ABCC5: variants seen among roughly 807,000 people sequenced by gnomAD.
ABCC5 encodes the protein ATP-binding cassette sub-family C member 5.
Under a neutral mutation model 160.9 loss-of-function variants are expected in ABCC5, and 61 were observed. The observed-to-expected ratio is 0.38, with a 90% CI of 0.31 to 0.47. The LOEUF (loss-of-function observed/expected upper bound fraction) is 0.47. Among genes scored for constraint, ABCC5 ranks in the 20% least tolerant of loss-of-function variants. The pLI is 0.99. For missense variants in ABCC5, 1,308 were observed against 1,813.3 expected, an observed-to-expected ratio of 0.72 and a Z score of 5.06; for synonymous variants, 666 against 700.6, an observed-to-expected ratio of 0.95 and a Z score of 0.78.
At chr3:183,967,463 C>G in intron 12 of ABCC5, 1 of 500,542 alleles carries the variant, frequency 2.0e-6, no homozygotes. Context: ...CCAAATGGTT[C>G]CAGCTGGGAC....
rs375609688 is a variant in ABCC5 at position 183,947,382 on chromosome 3, A to G, written c.3356T>C (p.Leu1119Pro). 1 of 1,613,788 alleles carries G rather than the reference A, an allele frequency of 6.2e-7. No individual in the cohort carries two copies. The highest frequency in any genetic ancestry group is 1.7e-5 in the Admixed American group (1 of 59,988). ...GGCTGGGGGAATCTGCCCGTGCATA[A>G]GAACGATCATCAGCCCCGTGGTGGT... is the stretch of plus-strand genomic sequence containing the variant. ...LITTTGLMIV[L>P]MHGQIPPAYA... is the part of the protein sequence containing the mutation. Residue 1119 changes from leucine (L) to proline (P), a missense_variant, in exon 23 of 30, where the codon CTT becomes CCT. Leu to Pro is a moderately conservative substitution (Grantham distance 98, BLOSUM62 -3). Around this residue, in one of 3 missense-constraint regions of ABCC5, gnomAD observed 1,142 missense variants for 1,527.1 expected, o/e 0.75. Transcript: ENST00000334444.
Position 183,961,616 on chromosome 3 carries a change from C to T in ABCC5, c.2274G>A (p.Glu758=), listed in dbSNP as rs150143178. 520 of 1,614,218 alleles carry T rather than the reference C, an allele frequency of 3.2e-4. 1 individual carries two copies. Among genetic ancestry groups the T allele is most frequent in the Non-Finnish European group, 4.3e-4 (510 of 1,180,030 alleles). Residue 758 remains glutamate (E), a synonymous_variant, in exon 16 of 30, where the codon GAG becomes GAA. Coordinates refer to ENST00000334444, the MANE Select transcript of ABCC5 (RefSeq NM_005688.4). The part of the protein sequence containing the change: ...VDCDEVIFMK[E]GCITERGTHE... ...GGGTGCCTCTTTCCGTAATACAGCCCTCTTTCATGAAGATCACTTCATCAC... is the reference window on the plus strand; with the variant it reads ...GGGTGCCTCTTTCCGTAATACAGCCTTCTTTCATGAAGATCACTTCATCAC...
intron 27 of ABCC5, chr3:183,927,795 G>T: frequency 1.0e-6 from 1 of 985,450 alleles, no homozygotes; most frequent in Non-Finnish European, 1.2e-6. Context: ...CTCTCCTTCT[G>T]AAGTCCAAAG....
At chr3:183,925,522 A>G (rs772252175) in intron 29 of ABCC5, 33 bp downstream of exon 29, 3 of 1,608,112 alleles carry the variant, frequency 1.9e-6, no homozygotes, top group South Asian at 1.1e-5. Context: ...CCTCCCAGAC[A>G]TGCCAAGCCA....
chr3:183,932,604 T>G (rs772773613), intron 26 of ABCC5, among the ~76,000 whole-genome samples: 12 of 152,162 alleles, frequency 7.9e-5, no homozygotes, highest in Non-Finnish European at 1.6e-4. Context: ...GCTCTGCCAC[T>G]TTTAGCTGTG....
At position 183,959,794 on chromosome 3, in the gene ABCC5, T is replaced by C; in HGVS notation, c.2421A>G (p.Ser807=). The change falls in exon 17 of 30, where the codon TCA becomes TCG. Residue 807 remains serine, a synonymous_variant. Coordinates refer to ENST00000334444, the MANE Select transcript of ABCC5 (RefSeq NM_005688.4). ...KKETSGSQKK[S]QDKGPKTGSV... ...ATCCTGTTTTAGGACCCTTGTCTTG[T>C]GACTTCTTCTGTGAACCACTGGTTT... 6.2e-7 allele frequency: 1 copy of C among 1,612,864 alleles called. No homozygotes were observed. The highest frequency in any genetic ancestry group is 8.5e-7 in the Non-Finnish European group (1 of 1,179,464).
In ABCC5 at chr3:183,987,691, C is replaced by T; in HGVS notation, c.591+79G>A. On this transcript the variant is annotated intron_variant, in intron 5 of 29. Coordinates refer to ENST00000334444, the MANE Select transcript of ABCC5 (RefSeq NM_005688.4). This position sits in a 1 kb window ranked among gnomAD's most constrained non-coding sequence, Gnocchi z 4.2. ...TACCTAGCCCAAAGCTGAGCACAAC[C>T]TCTGCAACAGAATAAGAGTGTTAGA... 6.3e-7 allele frequency: 1 copy of T among 1,595,616 alleles called. No individual in the cohort carries two copies. Among genetic ancestry groups the T allele is most frequent in the Non-Finnish European group, 8.6e-7 (1 of 1,168,848 alleles).
At chr3:184,008,019 C>T (rs970728427) in intron 2 of ABCC5, among the ~76,000 whole-genome samples, 4 of 152,160 alleles carry the variant, frequency 2.6e-5, no homozygotes, top group Non-Finnish European at 4.4e-5. Flanking sequence ...AAGTTTCCAG[C>T]CAAATGATAC....
chr3:183,957,546 T>A (rs1716209150), intron 17 of ABCC5, among the ~76,000 whole-genome samples: 1 of 151,538 alleles, frequency 6.6e-6, no homozygotes, highest in East Asian at 2.0e-4. Flanking sequence ...ATCACATCAG[T>A]TACATGCGGA....
At chr3:183,989,182 A>AT in intron 3 of ABCC5, 44 bp downstream of exon 3, 1 of 1,101,372 alleles carries the variant, frequency 9.1e-7, no homozygotes, top group Non-Finnish European at 1.2e-6. Context: ...AAAAAAAAAA[A>AT]GGCCTTTGAT....
chr3:184,008,336 A>T (rs1721410809), intron 2 of ABCC5, among the ~76,000 whole-genome samples: 1 of 152,216 alleles, frequency 6.6e-6, no homozygotes, highest in Admixed American at 6.5e-5. Context: ...AAATAGGATT[A>T]AAAAAAGGAA....
At position 183,988,542 on chromosome 3, in the gene ABCC5, G is replaced by A. The variant is rs1576905824; in HGVS notation, c.443+30C>T. 3.8e-6 allele frequency: 6 copies of A among 1,594,214 alleles called. No individual in the cohort carries two copies. Among genetic ancestry groups the A allele is most frequent in the Non-Finnish European group, 5.1e-6 (6 of 1,172,474 alleles). ...CTCAGGCCCTGCCCACCCGGCATGG[G>A]GGAGATGAGGGTGGACCAGAGGCGC... On this transcript the variant is annotated intron_variant, in intron 4 of 29. Transcript: ENST00000334444. The surrounding 1 kb of genome is among the most constrained non-coding windows in gnomAD (Gnocchi z 4.4).
rs1158980988 is a variant in ABCC5 at position 183,957,329 on chromosome 3, C to T, written c.2482+2404G>A. ...GTGTGTAAATCACATCGGTTACATG[C>T]GGGTCCGTGTGTACATCACATCGGT... On this transcript the variant is annotated intron_variant, in intron 17 of 29. Coordinates refer to ENST00000334444, the MANE Select transcript of ABCC5 (RefSeq NM_005688.4). Among the ~76,000 whole-genome samples the T allele has an allele frequency of 7.0e-5, 8 of 113,544 alleles. 1 individual carries two copies. The highest frequency in any genetic ancestry group is 1.3e-4 in the Non-Finnish European group (7 of 52,236). The allele number at this position is 113,544 out of a possible 152,430, so 74.5% of individuals were successfully genotyped here. A position where few individuals can be genotyped will look rare whatever the true frequency, so the allele number is the denominator to read the frequency against.
At chr3:183,972,060 G>C in intron 10 of ABCC5, 141 bp from the exon 11 acceptor site, 3 of 1,533,228 alleles carry the variant, frequency 2.0e-6, no homozygotes, top group Non-Finnish European at 1.8e-6. Context: ...TAGCTCATTA[G>C]TGCAGCCCAA....
Position 183,985,727 on chromosome 3 carries a change from G to A in ABCC5, c.591+2043C>T, listed in dbSNP as rs550740905. ...GTGGCTACACAGGACCACACTGTTA[G>A]AGATTCTGGTACTCCATTAACATTA... On this transcript the variant is annotated intron_variant, in intron 5 of 29. Transcript: ENST00000334444. 13 of 352,128 alleles carry A rather than the reference G, an allele frequency of 3.7e-5. No homozygotes were observed. The East Asian group carries it at 8.1e-4, about 22-fold the overall frequency. The allele number at this position is 352,128 out of a possible 1,614,324, so 21.8% of individuals were successfully genotyped here. A position where few individuals can be genotyped will look rare whatever the true frequency, so the allele number is the denominator to read the frequency against.
intron 2 of ABCC5, among the ~76,000 whole-genome samples, chr3:184,000,133 C>T (rs1352661653): frequency 6.6e-6 from 1 of 151,464 alleles, no homozygotes; most frequent in East Asian, 2.0e-4. Flanking sequence ...CTCAAGCGGG[C>T]AGATCGCTTG....
rs150449344 is a variant in ABCC5 at position 183,984,475 on chromosome 3, C to T, written c.592-1468G>A. Reference sequence around the variant, plus strand: ...AGACACCACGGTCTGGAGGTAGCTACGCTGAATTCCAAAACCCAGACTCTC... The same window carrying T: ...AGACACCACGGTCTGGAGGTAGCTATGCTGAATTCCAAAACCCAGACTCTC... On this transcript the variant is annotated intron_variant, in intron 5 of 29. Transcript: ENST00000334444. 3,995 of 1,050,246 alleles carry T rather than the reference C, an allele frequency of 3.8e-3. 14 individuals carry two copies. The highest frequency in any genetic ancestry group is 5.0e-3 in the Admixed American group (101 of 20,050). The allele number at this position is 1,050,246 out of a possible 1,614,324, so 65.1% of individuals were successfully genotyped here. A position where few individuals can be genotyped will look rare whatever the true frequency, so the allele number is the denominator to read the frequency against.
intron 26 of ABCC5, among the ~76,000 whole-genome samples, chr3:183,932,881 C>T (rs999143069): frequency 6.6e-6 from 1 of 151,990 alleles, no homozygotes; most frequent in African/African-American, 2.4e-5. Flanking sequence ...ATGGTTATGA[C>T]AGGTGGGGAA....
At position 183,988,765 on chromosome 3, in the gene ABCC5, C is replaced by G. The variant is rs369878424; in HGVS notation, c.288-38G>C. 1 of 1,602,262 alleles carries G rather than the reference C, an allele frequency of 6.2e-7. No individual in the cohort carries two copies. The highest frequency in any genetic ancestry group is 8.5e-7 in the Non-Finnish European group (1 of 1,174,832). On this transcript the variant is annotated intron_variant, in intron 3 of 29. Coordinates refer to ENST00000334444, the MANE Select transcript of ABCC5 (RefSeq NM_005688.4). The surrounding 1 kb of genome is among the most constrained non-coding windows in gnomAD (Gnocchi z 4.4). ...AACCGAAATCACAAAGCTATCAACA[C>G]GCACGGAGAGGGCAGCCCGTGTTTA...
Sources: gnomAD v4.1 joint callset for allele counts (sites outside exome capture counted in the v4.1 genomes callset) on GRCh38, gnomAD v4.1.1 for gene constraint, gnomAD v4.1.1 regional missense constraint, Gnocchi (gnomAD v3.1) non-coding constraint, MANE v1.5 for transcripts, NCBI Gene and HGNC (gene_info 2026-07-23, HGNC 2026-07-21) for gene names.